Variants in ZNF385D observed in about 807,000 individuals in gnomAD.
The protein encoded by ZNF385D is zinc finger protein 659.
Under a neutral mutation model 35.8 loss-of-function variants are expected in ZNF385D, and 15 were observed. The ratio of observed to expected loss-of-function variants is 0.42; its 90% confidence interval spans 0.28 to 0.64. ZNF385D has a LOEUF of 0.64. ZNF385D is among the 30% of genes least tolerant of loss of function. The probability of loss-of-function intolerance (pLI) is 0.23; values close to 1 mark genes in which losing one functional copy is unlikely to be tolerated. For synonymous variants in ZNF385D, 212 were observed against 186.8 expected, an observed-to-expected ratio of 1.13 and a Z score of -1.10; for missense variants, 474 against 494.6, an observed-to-expected ratio of 0.96 and a Z score of 0.39.
At chr3:21,715,240 C>G (rs1242654820) in intron 1 of ZNF385D, among the ~76,000 whole-genome samples, 1 of 152,110 alleles carries the variant, frequency 6.6e-6, no homozygotes, top group East Asian at 1.9e-4. Context: ...ATTCCCTCTC[C>G]TCTCACCCCA....
intron 3 of ZNF385D, among the ~76,000 whole-genome samples, chr3:21,807,338 A>C (rs2072697306): frequency 6.6e-6 from 1 of 152,222 alleles, no homozygotes; most frequent in East Asian, 1.9e-4. Context: ...GTGCAGATTT[A>C]GAAAATTTTG....
Position 21,703,870 on chromosome 3 carries a change from C to CT in ZNF385D, c.23-38843dup, listed in dbSNP as rs977745999. On this transcript the variant is annotated intron_variant, in intron 1 of 7. Transcript: ENST00000281523. ...ACTCCTGTATGGTCAACTCTCACCA[C>CT]TTTCTTCCCTACACCATACACTCTA... 3.3e-5 allele frequency among the ~76,000 whole-genome samples: 5 copies of CT among 152,200 alleles called. No individual in the cohort carries two copies. In the East Asian group the frequency reaches 9.7e-4, roughly 30 times the overall value.
chr3:22,179,168 CT>C (rs1433158915), intron 2 of ZNF385D, among the ~76,000 whole-genome samples: 5 of 152,130 alleles, frequency 3.3e-5, no homozygotes, highest in Non-Finnish European at 7.4e-5. Flanking sequence ...CTATAAATTA[CT>C]TTGGGCAGTA....
chr3:21,836,376 A>G (rs1185298853), intron 3 of ZNF385D, among the ~76,000 whole-genome samples: 3 of 152,126 alleles, frequency 2.0e-5, no homozygotes, highest in Non-Finnish European at 4.4e-5. Flanking sequence ...TAGGACATAG[A>G]TACCTTTACA....
chr3:21,581,352 G>C (rs1295718013), intron 2 of ZNF385D, among the ~76,000 whole-genome samples: 1 of 151,994 alleles, frequency 6.6e-6, no homozygotes, highest in Non-Finnish European at 1.5e-5. Context: ...CTAGTCTCTA[G>C]AGTCGGCAAA....
intron 3 of ZNF385D, among the ~76,000 whole-genome samples, chr3:22,037,686 T>C (rs936119040): frequency 1.6e-4 from 24 of 152,186 alleles, no homozygotes; most frequent in Non-Finnish European, 3.4e-4. Flanking sequence ...GTAGTTTCTT[T>C]TGCTGTGCAG....
At chr3:22,125,699 A>G (rs1052573411) in intron 3 of ZNF385D, among the ~76,000 whole-genome samples, 1 of 152,062 alleles carries the variant, frequency 6.6e-6, no homozygotes, top group Non-Finnish European at 1.5e-5. Context: ...AAATGAAATT[A>G]TATTCTTGAT....
chr3:21,567,495 A>G (rs1318433026), intron 2 of ZNF385D, among the ~76,000 whole-genome samples: 3 of 152,160 alleles, frequency 2.0e-5, no homozygotes, highest in Non-Finnish European at 4.4e-5. Context: ...TCTGTTCTCT[A>G]GGATCATTCT....
chr3:21,748,798 G>T (rs1189505275), intron 1 of ZNF385D, among the ~76,000 whole-genome samples: 2 of 152,188 alleles, frequency 1.3e-5, no homozygotes, highest in Non-Finnish European at 2.9e-5. Context: ...ACATATATGT[G>T]TGTGCGTACA....
At chr3:21,925,224 C>T (rs1700668739) in intron 3 of ZNF385D, among the ~76,000 whole-genome samples, 1 of 152,020 alleles carries the variant, frequency 6.6e-6, no homozygotes, top group Admixed American at 6.6e-5. Context: ...GTGGGAGGAA[C>T]AGGTTTACTC....
chr3:21,927,552 G>A (rs771580836), intron 3 of ZNF385D, among the ~76,000 whole-genome samples: 59 of 152,078 alleles, frequency 3.9e-4, no homozygotes, highest in Admixed American at 3.9e-4. Flanking sequence ...AGAGATTGCT[G>A]GGCTGAATTT....
chr3:22,369,352 G>A (rs1696797359), intron 2 of ZNF385D, among the ~76,000 whole-genome samples: 1 of 152,058 alleles, frequency 6.6e-6, no homozygotes, highest in African/African-American at 2.4e-5. Context: ...CCATTTACAA[G>A]ACTCCCATTG....
intron 3 of ZNF385D, among the ~76,000 whole-genome samples, chr3:21,920,606 G>C (rs1368917998): frequency 4.0e-5 from 5 of 126,558 alleles, no homozygotes; most frequent in African/African-American, 1.5e-4. Context: ...GAAGAGGGTT[G>C]ATGATGATAC....
chr3:21,581,679 T>C (rs1019957733), intron 2 of ZNF385D, among the ~76,000 whole-genome samples: 2 of 152,212 alleles, frequency 1.3e-5, no homozygotes, highest in African/African-American at 4.8e-5. Context: ...TGCATTGTTA[T>C]CTGAAGGTGA....
chr3:21,458,080 A>G (rs1253810648), intron 4 of ZNF385D, among the ~76,000 whole-genome samples: 1 of 152,158 alleles, frequency 6.6e-6, no homozygotes, highest in Non-Finnish European at 1.5e-5. Context: ...ATTGAGATTA[A>G]AACTAGCAAT....
At chr3:21,547,765 C>T (rs893327142) in intron 3 of ZNF385D, among the ~76,000 whole-genome samples, 1 of 151,828 alleles carries the variant, frequency 6.6e-6, no homozygotes, top group Non-Finnish European at 1.5e-5. Flanking sequence ...TACAGGCACC[C>T]GCCACCATGC....
At chr3:22,260,090 CTAAG>C in intron 2 of ZNF385D, among the ~76,000 whole-genome samples, 1 of 151,942 alleles carries the variant, frequency 6.6e-6, no homozygotes, top group South Asian at 2.1e-4. Context: ...GTGCTCTACT[CTAAG>C]TAGTAAATTA....
chr3:21,586,898 GAA>G (rs908515304), intron 2 of ZNF385D, among the ~76,000 whole-genome samples: 1 of 152,168 alleles, frequency 6.6e-6, no homozygotes, highest in African/African-American at 2.4e-5. Flanking sequence ...GGGAACAGAG[GAA>G]AGGGGTTGTT....
At chr3:22,034,917 GAAT>G (rs1698220927) in intron 3 of ZNF385D, among the ~76,000 whole-genome samples, 1 of 152,058 alleles carries the variant, frequency 6.6e-6, no homozygotes, top group Admixed American at 6.6e-5. Context: ...TTATCTTACA[GAAT>G]AATAGTATTT....
Sources: gnomAD v4.1 joint callset for allele counts (sites outside exome capture counted in the v4.1 genomes callset) on GRCh38, gnomAD v4.1.1 for gene constraint, MANE v1.5 for transcripts, NCBI Gene and HGNC (gene_info 2026-07-23, HGNC 2026-07-21) for gene names.